CACNA1D: variants seen among roughly 807,000 people sequenced by gnomAD.
CACNA1D encodes the protein calcium voltage-gated channel subunit alpha1 D, also known as voltage-dependent L-type calcium channel subunit alpha-1D.
Under a neutral mutation model 257.1 loss-of-function variants are expected in CACNA1D, and 55 were observed. The ratio of observed to expected loss-of-function variants is 0.21; its 90% CI spans 0.17 to 0.27. The LOEUF (loss-of-function observed/expected upper bound fraction) is 0.27. CACNA1D is among the 10% of genes least tolerant of loss of function. CACNA1D has a pLI of 1.00. For missense variants in CACNA1D, 1,876 were observed against 2,784.0 expected (o/e 0.67, Z 7.34); for synonymous variants, 980 against 1,014.9 (o/e 0.97, Z 0.65).
intron 10 of CACNA1D, 100 bp downstream of exon 10, chr3:53,718,488 G>A (rs994517486): frequency 2.0e-5 from 24 of 1,189,826 alleles, no homozygotes; most frequent in African/African-American, 9.0e-5. Context: ...CCGGGCCATC[G>A]CCTTGGGTGT....
At chr3:53,591,595 A>G (rs1434178542) in intron 3 of CACNA1D, among the ~76,000 whole-genome samples, 1 of 152,124 alleles carries the variant, frequency 6.6e-6, no homozygotes, top group East Asian at 1.9e-4. Flanking sequence ...ATCCTTCAGG[A>G]TATGTCTCCG....
At chr3:53,736,358 T>A (rs143259023) in intron 20 of CACNA1D, among the ~76,000 whole-genome samples, 1 of 151,882 alleles carries the variant, frequency 6.6e-6, no homozygotes, top group African/African-American at 2.4e-5. Flanking sequence ...AAAAAAAGAA[T>A]ATATAATGAA....
At chr3:53,718,167 G>A (rs377099511) in intron 9 of CACNA1D, 134 bp from the exon 10 acceptor site, 4 of 770,018 alleles carry the variant, frequency 5.2e-6, no homozygotes, top group East Asian at 2.5e-5. Flanking sequence ...TAGCCCAGCT[G>A]AGGCCCTGAG....
At chr3:53,768,394 C>T (rs908881803) in intron 30 of CACNA1D, among the ~76,000 whole-genome samples, 2 of 152,230 alleles carry the variant, frequency 1.3e-5, no homozygotes, top group African/African-American at 4.8e-5. Flanking sequence ...CCCCACACTC[C>T]AGCCAGAGAG....
intron 3 of CACNA1D, among the ~76,000 whole-genome samples, chr3:53,574,889 C>T (rs1185438060): frequency 6.6e-6 from 1 of 152,206 alleles, no homozygotes; most frequent in Non-Finnish European, 1.5e-5. Context: ...GACCCCTGCT[C>T]AGACCAACGT....
At chr3:53,675,075 C>T (rs1028874864) in intron 8 of CACNA1D, among the ~76,000 whole-genome samples, 12 of 152,166 alleles carry the variant, frequency 7.9e-5, no homozygotes, top group African/African-American at 2.7e-4. Flanking sequence ...CTAAACCTGC[C>T]CTGGATTGAA....
chr3:53,786,710 ACC>A, intron 39 of CACNA1D, 110 bp from the exon 40 acceptor site: 1 of 678,092 alleles, frequency 1.5e-6, no homozygotes, highest in Non-Finnish European at 2.7e-6. Context: ...TCTGCGCCGG[ACC>A]GCCCACCCGC....
At chr3:53,637,793 T>C (rs1433841621) in intron 3 of CACNA1D, among the ~76,000 whole-genome samples, 1 of 152,230 alleles carries the variant, frequency 6.6e-6, no homozygotes, top group African/African-American at 2.4e-5. Context: ...GACTTGCTCA[T>C]TCATTTCCAT....
At chr3:53,797,083 CT>C (rs530574155) in intron 40 of CACNA1D, among the ~76,000 whole-genome samples, 49 of 151,986 alleles carry the variant, frequency 3.2e-4, no homozygotes, top group African/African-American at 1.1e-3. Context: ...AAAAAATGTT[CT>C]TTTTTTTAGG....
At chr3:53,598,232 AT>A (rs1281764240) in intron 3 of CACNA1D, among the ~76,000 whole-genome samples, 4 of 152,100 alleles carry the variant, frequency 2.6e-5, no homozygotes, top group Non-Finnish European at 5.9e-5. Context: ...CCCATCTCAG[AT>A]TTCAGAGAAT....
In CACNA1D at chr3:53,583,634, G is replaced by A. The variant is rs72966322; in HGVS notation, c.484-67145G>A. 5.7e-3 allele frequency among the ~76,000 whole-genome samples: 862 copies of A among 152,244 alleles called. 10 individuals are homozygous for A. The highest frequency in any genetic ancestry group is 0.02 in the African/African-American group (827 of 41,540). On this transcript the variant is annotated intron_variant, in intron 3 of 47. Coordinates refer to ENST00000350061, the MANE Select transcript of CACNA1D (RefSeq NM_001128840.3). ...AACCACGAGGTGGGACTCTCCTCAG[G>A]GGCTGCTTCTTGGTGAATCTGCACT...
intron 7 of CACNA1D, among the ~76,000 whole-genome samples, chr3:53,671,866 G>C (rs2094326621): frequency 6.6e-6 from 1 of 152,216 alleles, no homozygotes; most frequent in South Asian, 2.1e-4. Flanking sequence ...CACCCTAAGG[G>C]CTTGCACCTG....
At chr3:53,656,996 C>T (rs1444749275) in intron 4 of CACNA1D, among the ~76,000 whole-genome samples, 5 of 152,052 alleles carry the variant, frequency 3.3e-5, no homozygotes, top group African/African-American at 1.2e-4. Flanking sequence ...AAAAATGCGC[C>T]CATTTCTTAC....
intron 9 of CACNA1D, among the ~76,000 whole-genome samples, chr3:53,704,719 C>A (rs2094667911): frequency 6.6e-6 from 1 of 152,214 alleles, no homozygotes; most frequent in Non-Finnish European, 1.5e-5. Context: ...TGCCCCATCT[C>A]CCCTAAACCC....
rs544605609 is a variant in CACNA1D, at chr3:53,743,644, C to T, written c.2918+527C>T. Among the ~76,000 whole-genome samples, 14 of 152,318 alleles carry T rather than the reference C, an allele frequency of 9.2e-5. No individual in the cohort carries two copies. In the South Asian group the frequency reaches 1.5e-3, roughly 16 times the overall value. On this transcript the variant is annotated intron_variant, in intron 22 of 47. Transcript: ENST00000350061. ...GAAAGTCAGGGCCCCAGGTCTTTTC[C>T]ATGGCATTTAGCGATTTCTGGTGGG...
At chr3:53,503,688 A>G (rs1264184851) in intron 3 of CACNA1D, among the ~76,000 whole-genome samples, 2 of 152,156 alleles carry the variant, frequency 1.3e-5, no homozygotes, top group Non-Finnish European at 2.9e-5. Flanking sequence ...AATAAAATAC[A>G]GGAAATGGAT....
chr3:53,687,786 T>C (rs953742815), intron 8 of CACNA1D, among the ~76,000 whole-genome samples: 2 of 152,094 alleles, frequency 1.3e-5, no homozygotes, highest in African/African-American at 2.4e-5. Context: ...AACTCAAAAA[T>C]TGGCAAAACA....
rs11336778 is a variant in CACNA1D at position 53,664,984 on chromosome 3, TA to T, written c.767-675del. On this transcript the variant is annotated intron_variant, in intron 5 of 47. Coordinates refer to ENST00000350061, the MANE Select transcript of CACNA1D (RefSeq NM_001128840.3). The stretch of plus-strand genomic sequence containing the variant: ...ACTGCATTCTTCTAACAACAGGCTC[TA>T]GATGTCCCAGTAGATAACCTCAATG... 4.4e-3 allele frequency among the ~76,000 whole-genome samples: 666 copies of T among 152,302 alleles called. 2 individuals are homozygous for T. Among genetic ancestry groups the T allele is most frequent in the African/African-American group, 0.015 (635 of 41,566 alleles).
In CACNA1D at chr3:53,805,088, C is replaced by A. The variant is rs371412478; in HGVS notation, c.5691C>A (p.Pro1897=). The A allele has an allele frequency of 6.2e-7, 1 of 1,614,130 alleles. No homozygotes were observed. The highest frequency in any genetic ancestry group is 8.5e-7 in the Non-Finnish European group (1 of 1,180,006). The part of the protein sequence containing the change: ...PQGFLEDDDS[P]VCYDSRRSPR... ...GATTCTTGGAGGACGATGACTCGCCCGTTTGCTATGATTCACGGAGATCTC... is the reference window on the plus strand; with the variant it reads ...GATTCTTGGAGGACGATGACTCGCCAGTTTGCTATGATTCACGGAGATCTC... The change falls in exon 45 of 48, where the codon CCC becomes CCA. Residue 1897 remains proline (P), a synonymous_variant. Transcript: ENST00000350061.
Sources: gnomAD v4.1 joint callset for allele counts (sites outside exome capture counted in the v4.1 genomes callset) on GRCh38, gnomAD v4.1.1 for gene constraint, MANE v1.5 for transcripts, NCBI Gene and HGNC (gene_info 2026-07-23, HGNC 2026-07-21) for gene names.